The following AGBL4 variants were observed in gnomAD, a reference collection of about 807,000 sequenced individuals.
AGBL4 encodes the protein AGBL carboxypeptidase 4, also known as cytosolic carboxypeptidase 6.
A neutral mutation model predicts 66.4 loss-of-function variants in AGBL4; 58 were observed. The ratio of observed to expected loss-of-function variants is 0.87; its 90% confidence interval spans 0.71 to 1.09. AGBL4 has a LOEUF of 1.09. Ranked by LOEUF, AGBL4 falls within the 50% of genes least tolerant of loss-of-function variation. The probability of loss-of-function intolerance (pLI) is 0.00; values close to 1 mark genes in which losing one functional copy is unlikely to be tolerated. For missense variants in AGBL4, 579 were observed against 631.0 expected, an observed-to-expected ratio of 0.92 and a Z score of 0.88; for synonymous variants, 234 against 222.9, an observed-to-expected ratio of 1.05 and a Z score of -0.44.
At chr1:49,293,580 C>G (rs925095753) in intron 3 of AGBL4, among the ~76,000 whole-genome samples, 2 of 152,178 alleles carry the variant, frequency 1.3e-5, no homozygotes, top group Non-Finnish European at 2.9e-5. Context: ...TTATGACTCC[C>G]TGAGGAGATT....
chr1:48,701,463 T>TC (rs11450789), intron 6 of AGBL4, among the ~76,000 whole-genome samples: 136,277 of 151,124 alleles, frequency 0.9, 63,064 homozygotes, highest in East Asian at 1. Flanking sequence ...TTTTCCTTTT[T>TC]TTTTCTTTTC....
chr1:50,016,775 A>G (rs1662014891), intron 1 of AGBL4, among the ~76,000 whole-genome samples: 1 of 152,188 alleles, frequency 6.6e-6, no homozygotes, highest in African/African-American at 2.4e-5. Flanking sequence ...GGCTATTACT[A>G]AAAAGTCAAA....
intron 3 of AGBL4, among the ~76,000 whole-genome samples, chr1:49,497,973 C>A (rs1178452850): frequency 2.0e-5 from 3 of 151,938 alleles, no homozygotes; most frequent in Non-Finnish European, 2.9e-5. Flanking sequence ...GTAATATGGA[C>A]ATTTTTAACA....
chr1:49,408,963 G>A (rs1645260794), intron 3 of AGBL4, among the ~76,000 whole-genome samples: 1 of 152,120 alleles, frequency 6.6e-6, no homozygotes, highest in Non-Finnish European at 1.5e-5. Context: ...CTTGTGAGGA[G>A]GTGAGAGCAG....
chr1:49,940,856 A>G (rs1220768696), intron 1 of AGBL4, among the ~76,000 whole-genome samples: 1 of 152,110 alleles, frequency 6.6e-6, no homozygotes, highest in Non-Finnish European at 1.5e-5. Context: ...TATAATAATA[A>G]TAAAAAAAAT....
At chr1:49,220,143 C>G (rs1442327505) in intron 4 of AGBL4, among the ~76,000 whole-genome samples, 2 of 152,040 alleles carry the variant, frequency 1.3e-5, no homozygotes, top group African/African-American at 4.8e-5. Flanking sequence ...GTCTTACTGT[C>G]CAGAACTCAT....
chr1:48,568,820 T>TCTA (rs1644515722), intron 11 of AGBL4, among the ~76,000 whole-genome samples: 1 of 152,206 alleles, frequency 6.6e-6, no homozygotes, highest in African/African-American at 2.4e-5. Flanking sequence ...ATGTCCCCTC[T>TCTA]CTACCTTATG....
chr1:48,651,666 C>T (rs975434785), intron 8 of AGBL4, among the ~76,000 whole-genome samples: 13 of 152,172 alleles, frequency 8.5e-5, no homozygotes, highest in Admixed American at 5.9e-4. Flanking sequence ...TTAATGAAGG[C>T]TTCAGGCATC....
rs559851658 is a variant in AGBL4, at chr1:48,718,990, T to C, written c.635-55749A>G. ...ATTGTTATTCTTGTACTGAACGTAA[T>C]ACATCAGCTCCTTGTTGCTAATAAA... On this transcript the variant is annotated intron_variant, in intron 6 of 13. Transcript: ENST00000371839. Among the ~76,000 whole-genome samples the C allele has an allele frequency of 3.3e-5, 5 of 152,320 alleles. No homozygotes were observed. The South Asian group carries it at 1.0e-3, about 32-fold the overall frequency.
chr1:48,650,758 G>A (rs74763172), intron 8 of AGBL4, among the ~76,000 whole-genome samples: 4,691 of 152,194 alleles, frequency 0.031, 246 homozygotes, highest in African/African-American at 0.1. Flanking sequence ...CTGGTTACAG[G>A]GAGGATGTGG....
chr1:49,670,039 G>A (rs971283466), intron 3 of AGBL4, among the ~76,000 whole-genome samples: 2 of 152,054 alleles, frequency 1.3e-5, no homozygotes, highest in Non-Finnish European at 2.9e-5. Context: ...ATGACATCCT[G>A]AAGTGGTCAA....
chr1:49,987,643 A>C (rs1164723285), intron 1 of AGBL4, among the ~76,000 whole-genome samples: 1 of 152,058 alleles, frequency 6.6e-6, no homozygotes, highest in Non-Finnish European at 1.5e-5. Flanking sequence ...CAAATCTAAG[A>C]CTGTCCACTG....
intron 6 of AGBL4, among the ~76,000 whole-genome samples, chr1:48,801,604 A>C (rs1434889089): frequency 1.3e-5 from 2 of 152,138 alleles, no homozygotes; most frequent in African/African-American, 2.4e-5. Context: ...AGGTAAGGTT[A>C]AATCCTTCTT....
chr1:49,838,436 G>A (rs748097512), intron 2 of AGBL4, among the ~76,000 whole-genome samples: 6 of 152,140 alleles, frequency 3.9e-5, no homozygotes, highest in Non-Finnish European at 8.8e-5. Flanking sequence ...TGGGAAATGC[G>A]ATTTTCAGAA....
chr1:49,170,691 G>GA (rs1313182762), intron 4 of AGBL4, among the ~76,000 whole-genome samples: 2 of 149,922 alleles, frequency 1.3e-5, no homozygotes, highest in Admixed American at 6.7e-5. Flanking sequence ...ATATATATAT[G>GA]AATTGTGACT....
chr1:49,380,834 A>T (rs1007883397), intron 3 of AGBL4, among the ~76,000 whole-genome samples: 25 of 152,226 alleles, frequency 1.6e-4, no homozygotes, highest in Admixed American at 1.2e-3. Flanking sequence ...CACCTTATAC[A>T]AAAATTAATT....
intron 11 of AGBL4, among the ~76,000 whole-genome samples, chr1:48,581,200 A>T (rs1443870913): frequency 6.6e-6 from 1 of 152,168 alleles, no homozygotes; most frequent in African/African-American, 2.4e-5. Flanking sequence ...TGGATGGATG[A>T]GTAAATAAAC....
At chr1:49,368,577 C>A (rs1214273410) in intron 3 of AGBL4, among the ~76,000 whole-genome samples, 1 of 152,136 alleles carries the variant, frequency 6.6e-6, no homozygotes, top group African/African-American at 2.4e-5. Context: ...CTTTTGGCCA[C>A]AAACCTAAGC....
At chr1:49,603,969 CACACACA>C (rs1645017127) in intron 3 of AGBL4, among the ~76,000 whole-genome samples, 2 of 147,830 alleles carry the variant, frequency 1.4e-5, no homozygotes, top group Non-Finnish European at 3.0e-5. Context: ...CACACACACA[CACACACA>C]CACACCACAT....
Sources: allele counts gnomAD v4.1 joint callset (sites outside exome capture counted in the v4.1 genomes callset), GRCh38; gene constraint gnomAD v4.1.1; transcripts MANE v1.5; gene names NCBI Gene and HGNC (gene_info 2026-07-23, HGNC 2026-07-21).